ATF7: variants seen among roughly 807,000 people sequenced by gnomAD.
The protein encoded by ATF7 is cyclic AMP-dependent transcription factor ATF-7.
ATF7 carries 10 observed loss-of-function variants against 50.4 expected under a neutral mutation model. That is an observed-to-expected ratio of 0.20 (90% CI 0.12 to 0.34). The LOEUF is 0.34. ATF7 is among the 10% of genes least tolerant of loss of function. The pLI, the probability that ATF7 is intolerant of heterozygous loss-of-function variation, is 1.00. For synonymous variants in ATF7, 201 were observed against 226.4 expected, an observed-to-expected ratio of 0.89 and a Z score of 1.01; for missense variants, 465 against 613.9, an observed-to-expected ratio of 0.76 and a Z score of 2.56.
At chr12:53,559,437 G>C (rs1293535014) in intron 2 of ATF7, among the ~76,000 whole-genome samples, 1 of 151,932 alleles carries the variant, frequency 6.6e-6, no homozygotes, top group Non-Finnish European at 1.5e-5. Flanking sequence ...CCAGCACTTT[G>C]GGAGGCAGAG....
downstream of ATF7, among the ~76,000 whole-genome samples, chr12:53,511,832 G>A (rs1944135874): frequency 6.6e-6 from 1 of 152,176 alleles, no homozygotes; most frequent in South Asian, 2.1e-4. Context: ...CAGTCCACAG[G>A]AGCTCTGCCC....
At chr12:53,518,433 G>GT (rs1937865401) in intron 11 of ATF7, among the ~76,000 whole-genome samples, 1 of 152,154 alleles carries the variant, frequency 6.6e-6, no homozygotes, top group Admixed American at 6.5e-5. Context: ...ACATACAATG[G>GT]TAACTCCATG....
At chr12:53,533,028 A>T in intron 7 of ATF7, 132 bp downstream of exon 7, 1 of 766,802 alleles carries the variant, frequency 1.3e-6, no homozygotes, top group Non-Finnish European at 2.1e-6. Context: ...GAGTTTAGGC[A>T]GGCTGCCATG....
At chr12:53,573,282 C>T (rs4759235) in intron 2 of ATF7, among the ~76,000 whole-genome samples, 26,480 of 152,036 alleles carry the variant, frequency 0.17, 2,947 homozygotes, top group East Asian at 0.56. Context: ...GGTCATCCCT[C>T]CATATCCATG....
chr12:53,609,099 G>A (rs1943734472), intron 1 of ATF7, among the ~76,000 whole-genome samples: 1 of 151,782 alleles, frequency 6.6e-6, no homozygotes, highest in South Asian at 2.1e-4. Context: ...GAGGTCCGGA[G>A]TTCAAGACCA....
At chr12:53,620,283 A>T (rs1489680918) in intron 1 of ATF7, among the ~76,000 whole-genome samples, 1 of 151,934 alleles carries the variant, frequency 6.6e-6, no homozygotes, top group Non-Finnish European at 1.5e-5. Context: ...TACTAAAAAA[A>T]TACAAAAATT....
At chr12:53,568,068 T>G (rs189934022) in intron 2 of ATF7, among the ~76,000 whole-genome samples, 1 of 152,334 alleles carries the variant, frequency 6.6e-6, no homozygotes, top group Admixed American at 6.5e-5. Context: ...ATGAACCTAC[T>G]ACATTGTGGT....
chr12:53,516,784 A>C lies in ATF7; in HGVS notation c.*353T>G, dbSNP rs778941179. On this transcript the variant is annotated 3_prime_UTR_variant, in exon 12 of 12. Coordinates refer to ENST00000420353, the MANE Select transcript of ATF7 (RefSeq NM_006856.3). ...GGCTTAGTGGGAAGAGAGGGAACTG[A>C]GAAACCCCAAACCTAGAAGTGCCAA... The C allele has an allele frequency of 4.3e-6, 1 of 234,004 alleles. No homozygotes were observed. The highest frequency in any genetic ancestry group is 8.7e-6 in the Non-Finnish European group (1 of 114,938). The allele number at this position is 234,004 out of a possible 1,614,324, so 14.5% of individuals were successfully genotyped here. A position where few individuals can be genotyped will look rare whatever the true frequency, so the allele number is the denominator to read the frequency against.
chr12:53,536,194 A>C (rs955579288), intron 5 of ATF7, among the ~76,000 whole-genome samples: 2 of 151,898 alleles, frequency 1.3e-5, no homozygotes, highest in African/African-American at 2.4e-5. Flanking sequence ...GAATTTTATA[A>C]GTATGTACTT....
In ATF7 at chr12:53,618,577, TAA is replaced by T. The variant is rs150032357; in HGVS notation, c.-22+7700_-22+7701del. Among the ~76,000 whole-genome samples, 91 of 152,290 alleles carry T rather than the reference TAA, an allele frequency of 6.0e-4. 1 individual carries two copies. In the East Asian group the frequency reaches 0.016, roughly 27 times the overall value. On this transcript the variant is annotated intron_variant, in intron 1 of 11. Coordinates refer to ENST00000420353, the MANE Select transcript of ATF7 (RefSeq NM_006856.3). Reference sequence around the variant, plus strand: ...CAGGAAAAGTTGCTGCCTGCCAATGTAAAGTCTTTAGTCCCTAGAGATGTCTT... The same window carrying T: ...CAGGAAAAGTTGCTGCCTGCCAATGTAGTCTTTAGTCCCTAGAGATGTCTT...
chr12:53,539,681 C>A (rs1027754348), intron 4 of ATF7, among the ~76,000 whole-genome samples: 7 of 146,386 alleles, frequency 4.8e-5, no homozygotes, highest in African/African-American at 1.5e-4. Flanking sequence ...AGAGCAAGAT[C>A]CTGTCAATGA....
chr12:53,622,304 AAATAATAAT>A (rs139640578), intron 1 of ATF7, among the ~76,000 whole-genome samples: 2,083 of 148,274 alleles, frequency 0.014, 49 homozygotes, highest in African/African-American at 0.045. Context: ...TCCATCTCAA[AAATAATAAT>A]AATAATAATA....
chr12:53,578,236 T>C lies in ATF7; in HGVS notation c.48+22717A>G, dbSNP rs530820540. ...AAAAATAAACAAAATTAGCCAAGTG[T>C]CCTGGCGTGTACCTATAGTCCTAGC... is the stretch of plus-strand genomic sequence containing the variant. On this transcript the variant is annotated intron_variant, in intron 2 of 11. Coordinates refer to ENST00000420353, the MANE Select transcript of ATF7 (RefSeq NM_006856.3). 2.6e-5 allele frequency among the ~76,000 whole-genome samples: 4 copies of C among 151,572 alleles called. No homozygotes were observed. The East Asian group carries it at 7.8e-4, about 29-fold the overall frequency.
chr12:53,515,565 C>G lies in ATF7; in HGVS notation c.*1572G>C, dbSNP rs1937654372. On this transcript the variant is annotated 3_prime_UTR_variant, in exon 12 of 12. Transcript: ENST00000420353. ...TGGTAGAAACTGCATAGTTCAGAGC[C>G]AAGGGGAGATGAGAAGCCTTAACGT... 6.6e-6 allele frequency: 1 copy of G among 152,114 alleles called. No homozygotes were observed. The highest frequency in any genetic ancestry group is 2.4e-5 in the African/African-American group (1 of 41,404). The allele number at this position is 152,114 out of a possible 1,614,324, so 9.4% of individuals were successfully genotyped here. A position where few individuals can be genotyped will look rare whatever the true frequency, so the allele number is the denominator to read the frequency against.
At chr12:53,593,930 C>T (rs1362358873) in intron 2 of ATF7, among the ~76,000 whole-genome samples, 1 of 152,192 alleles carries the variant, frequency 6.6e-6, no homozygotes, top group African/African-American at 2.4e-5. Flanking sequence ...AGACAGAATG[C>T]GACTGCTGAG....
At chr12:53,579,950 T>G (rs1942318040) in intron 2 of ATF7, among the ~76,000 whole-genome samples, 1 of 152,144 alleles carries the variant, frequency 6.6e-6, no homozygotes, top group East Asian at 1.9e-4. Context: ...TTATCTTTTT[T>G]TTTGAGACGG....
rs75601084 is a variant in ATF7, at chr12:53,591,261, G to C, written c.48+9692C>G. Among the ~76,000 whole-genome samples, 339 of 152,048 alleles carry C rather than the reference G, an allele frequency of 2.2e-3. 1 individual carries two copies. The highest frequency in any genetic ancestry group is 8.0e-3 in the African/African-American group (330 of 41,418). ...TCCCCACCAGTACCACGGCTAATAAGAGCCAAGATAAGCTGTATAAAAAGG... is the reference window on the plus strand; with the variant it reads ...TCCCCACCAGTACCACGGCTAATAACAGCCAAGATAAGCTGTATAAAAAGG... On this transcript the variant is annotated intron_variant, in intron 2 of 11. Transcript: ENST00000420353.
chr12:53,605,131 G>A (rs902395857), intron 1 of ATF7, among the ~76,000 whole-genome samples: 2 of 152,186 alleles, frequency 1.3e-5, no homozygotes, highest in African/African-American at 4.8e-5. Flanking sequence ...GTTCATGCCT[G>A]TAATCCCAGC....
intron 2 of ATF7, among the ~76,000 whole-genome samples, chr12:53,565,089 T>C (rs1941374455): frequency 6.6e-6 from 1 of 152,132 alleles, no homozygotes. Context: ...TGCTTCTATT[T>C]TGGTTCCTTG....
Sources: allele counts gnomAD v4.1 joint callset (sites outside exome capture counted in the v4.1 genomes callset), GRCh38; gene constraint gnomAD v4.1.1; transcripts MANE v1.5; gene names NCBI Gene and HGNC (gene_info 2026-07-23, HGNC 2026-07-21).